The following CEP89 variants were observed in gnomAD, a reference collection of about 807,000 sequenced individuals.
CEP89 encodes the protein centrosomal protein of 89 kDa.
In CEP89, 95 loss-of-function variants were observed where a neutral mutation model predicts 97.6. That is an observed-to-expected ratio of 0.97 (90% CI 0.82 to 1.15). CEP89 has a LOEUF of 1.15. Among genes scored for constraint, CEP89 ranks in the 50% most tolerant of loss-of-function variants. The pLI, the probability that CEP89 is intolerant of heterozygous loss-of-function variation, is 0.00. For synonymous variants in CEP89, 354 were observed against 349.1 expected, an observed-to-expected ratio of 1.01 and a Z score of -0.16; for missense variants, 869 against 947.7, an observed-to-expected ratio of 0.92 and a Z score of 1.09.
chr19:32,889,850 C>A (rs1863863760), intron 16 of CEP89, among the ~76,000 whole-genome samples: 1 of 152,138 alleles, frequency 6.6e-6, no homozygotes, highest in Non-Finnish European at 1.5e-5. Flanking sequence ...CTTTCTCTTG[C>A]CCTCTCCATG....
chr19:32,910,624 A>G (rs930359906), intron 14 of CEP89, among the ~76,000 whole-genome samples: 1 of 152,102 alleles, frequency 6.6e-6, no homozygotes, highest in Non-Finnish European at 1.5e-5. Context: ...CATTGTACAA[A>G]TATTTTCTAA....
chr19:32,882,350 G>A (rs1473909392), intron 17 of CEP89, among the ~76,000 whole-genome samples: 1 of 152,104 alleles, frequency 6.6e-6, no homozygotes, highest in East Asian at 1.9e-4. Flanking sequence ...ATCACTTGAG[G>A]TCAGGAGTTC....
rs1407110112 is a variant in CEP89 at position 32,951,534 on chromosome 19, T to TATATAC, written c.492+2080_492+2081insGTATAT. On this transcript the variant is annotated intron_variant, in intron 4 of 18. Coordinates refer to ENST00000305768, the MANE Select transcript of CEP89 (RefSeq NM_032816.5). ...AATTATATATATATATATATATATA[T>TATATAC]ACACACACACACACACACACACACA... 3.0e-4 allele frequency among the ~76,000 whole-genome samples: 36 copies of TATATAC among 122,028 alleles called. No homozygotes were observed. The South Asian group carries it at 3.4e-3, about 11-fold the overall frequency. The allele number at this position is 122,028 out of a possible 152,430, so 80.1% of individuals were successfully genotyped here.
At chr19:32,940,980 T>G (rs1220527238) in intron 5 of CEP89, among the ~76,000 whole-genome samples, 2 of 151,910 alleles carry the variant, frequency 1.3e-5, no homozygotes, top group African/African-American at 4.8e-5. Flanking sequence ...AGGCTGGTCT[T>G]GAACTCCTGA....
chr19:32,923,480 G>T lies in CEP89; in HGVS notation c.1227C>A (p.His409Gln). Residue 409 changes from histidine (H) to glutamine (Q), a missense_variant, in exon 12 of 19, where the codon CAC becomes CAA. His to Gln is a conservative substitution (Grantham distance 24). Coordinates refer to ENST00000305768, the MANE Select transcript of CEP89 (RefSeq NM_032816.5). ...CAGCACTACTCTTATTTAACTCTTG[G>T]TGCAATTCTTCATTTTCTTTCACCA... The part of the protein sequence containing the change: ...QEVVKENEEL[H>Q]QELNKSSAVT... 1 of 1,610,080 alleles carries T rather than the reference G, an allele frequency of 6.2e-7. No homozygotes were observed. The highest frequency in any genetic ancestry group is 8.5e-7 in the Non-Finnish European group (1 of 1,176,744).
intron 10 of CEP89, among the ~76,000 whole-genome samples, chr19:32,926,649 C>T (rs534424674): frequency 5.3e-4 from 80 of 152,340 alleles, no homozygotes; most frequent in Non-Finnish European, 1.2e-4. Flanking sequence ...GCAACCTAAA[C>T]CTCCCGGGTT....
rs146027266 is a variant in CEP89 at position 32,900,408 on chromosome 19, G to T, written c.1734-410C>A. ...TTAGAGGCATGCGCCACCACACGCA[G>T]CTAATTTTCTGTATATATACATATA... On this transcript the variant is annotated intron_variant, in intron 15 of 18. Transcript: ENST00000305768. 2.7e-3 allele frequency among the ~76,000 whole-genome samples: 411 copies of T among 151,938 alleles called. 2 individuals carry two copies. The highest frequency in any genetic ancestry group is 4.9e-3 in the Non-Finnish European group (331 of 67,992).
chr19:32,921,997 T>A (rs1366001623), intron 12 of CEP89, among the ~76,000 whole-genome samples: 2 of 152,232 alleles, frequency 1.3e-5, no homozygotes, highest in Non-Finnish European at 2.9e-5. Context: ...GAGTAATTTT[T>A]GTTTTCTTAG....
chr19:32,885,615 C>T (rs1189030756), intron 17 of CEP89, among the ~76,000 whole-genome samples: 3 of 152,156 alleles, frequency 2.0e-5, no homozygotes, highest in Non-Finnish European at 4.4e-5. Context: ...AGTCACTGTG[C>T]CTGGCCATTT....
chr19:32,901,496 A>G, intron 14 of CEP89, 84 bp from the exon 15 acceptor site: 1 of 1,400,298 alleles, frequency 7.1e-7, no homozygotes, highest in Non-Finnish European at 9.8e-7. Flanking sequence ...GATGAGTGAT[A>G]ACAGCCCAGC....
chr19:32,947,029 C>A (rs1483502653), intron 5 of CEP89, among the ~76,000 whole-genome samples: 1 of 152,106 alleles, frequency 6.6e-6, no homozygotes, highest in Non-Finnish European at 1.5e-5. Flanking sequence ...AACTGACCAA[C>A]AGGTGTTTTC....
At chr19:32,931,868 A>T (rs1401674546) in intron 8 of CEP89, among the ~76,000 whole-genome samples, 1 of 152,206 alleles carries the variant, frequency 6.6e-6, no homozygotes, top group African/African-American at 2.4e-5. Flanking sequence ...TTCAGATGAC[A>T]TAAGAATATG....
Position 32,881,862 on chromosome 19 carries a change from T to A in CEP89, c.2117A>T (p.Gln706Leu), listed in dbSNP as rs566000295. Residue 706 changes from glutamine to leucine, a missense_variant, in exon 18 of 19, where the codon CAG becomes CTG. Coordinates refer to ENST00000305768, the MANE Select transcript of CEP89 (RefSeq NM_032816.5). ...VLKDKQEVLD[Q>L]ALQQNREMEG... ...GCCCCACCTGTTCTGCTGCAGCGCC[T>A]GGTCCAGCACCTCCTGCTTGTCCTT... 5.6e-6 allele frequency: 9 copies of A among 1,603,952 alleles called. No homozygotes were observed. The African/African-American group carries it at 1.2e-4, about 21-fold the overall frequency.
At chr19:32,951,534 T>TATATATATATATATATACAC (rs1407110112) in intron 4 of CEP89, among the ~76,000 whole-genome samples, 7 of 122,038 alleles carry the variant, frequency 5.7e-5, no homozygotes, top group African/African-American at 2.4e-4. Flanking sequence ...TATATATATA[T>TATATATATATATATATACAC]ACACACACAC....
intron 14 of CEP89, among the ~76,000 whole-genome samples, chr19:32,903,650 G>C (rs1001921663): frequency 6.6e-6 from 1 of 152,188 alleles, no homozygotes; most frequent in East Asian, 1.9e-4. Context: ...GTTGAAGAGA[G>C]ATAGTAATAG....
In CEP89 at chr19:32,948,276, T is replaced by C. The variant is rs776438086; in HGVS notation, c.585A>G (p.Thr195=). 1 of 1,581,948 alleles carries C rather than the reference T, an allele frequency of 6.3e-7. No individual in the cohort carries two copies. Among genetic ancestry groups the C allele is most frequent in the Non-Finnish European group, 8.6e-7 (1 of 1,162,676 alleles). The change falls in exon 5 of 19, where the codon ACA becomes ACG. Residue 195 remains threonine, a synonymous_variant. Coordinates refer to ENST00000305768, the MANE Select transcript of CEP89 (RefSeq NM_032816.5). ...FPGSPPAPQR[T]QQKDGKHPVL... ...GTTTTTTTTTTCTACCTTTTTGTTG[T>C]GTCCGCTGTGGTGCAGGAGGGGAGC...
chr19:32,887,970 C>T, intron 16 of CEP89, 129 bp from the exon 17 acceptor site: 2 of 641,352 alleles, frequency 3.1e-6, no homozygotes. Flanking sequence ...GCCTCAACCC[C>T]TTCCCCACCC....
rs75720274 is a variant in CEP89 at position 32,957,039 on chromosome 19, C to T, written c.305+2861G>A. On this transcript the variant is annotated intron_variant, in intron 3 of 18. Coordinates refer to ENST00000305768, the MANE Select transcript of CEP89 (RefSeq NM_032816.5). ...TTTCCTTCCCCTTTGAGCTGTGGGA[C>T]AGGCTTTATTAAAGATTCAGTATGC... Among the ~76,000 whole-genome samples the T allele has an allele frequency of 0.012, 1,870 of 152,286 alleles. 67 individuals carry two copies. The East Asian group carries it at 0.15, about 12-fold the overall frequency.
chr19:32,931,700 G>A, intron 8 of CEP89, 129 bp from the exon 9 acceptor site: 1 of 654,018 alleles, frequency 1.5e-6, no homozygotes, highest in Non-Finnish European at 2.5e-6. Flanking sequence ...GTGTGCGTGT[G>A]TGTCTGTGTG....
Sources: allele counts gnomAD v4.1 joint callset (sites outside exome capture counted in the v4.1 genomes callset), GRCh38; gene constraint gnomAD v4.1.1; transcripts MANE v1.5; gene names NCBI Gene and HGNC (gene_info 2026-07-23, HGNC 2026-07-21).